SAMMSON: variants seen among roughly 807,000 people sequenced by gnomAD.
The protein encoded by SAMMSON is survival associated mitochondrial melanoma specific oncogenic non-coding RNA, also known as long intergenic non-protein coding RNA 1212.
At chr3:70,409,296 TAAC>T (rs1483350572) in intron 2 of SAMMSON, among the ~76,000 whole-genome samples, 2 of 152,198 alleles carry the variant, frequency 1.3e-5, no homozygotes, top group African/African-American at 4.8e-5. Flanking sequence ...AATAAATTGA[TAAC>T]ATTCCATCAG....
At chr3:70,049,149 C>T (rs957723729) in intron 3 of SAMMSON, among the ~76,000 whole-genome samples, 1 of 152,110 alleles carries the variant, frequency 6.6e-6, no homozygotes, top group Non-Finnish European at 1.5e-5. Context: ...GTAGTGGGTA[C>T]TGTTAGAGGT....
At chr3:70,333,094 A>T (rs1342930376) in intron 7 of SAMMSON, among the ~76,000 whole-genome samples, 2 of 151,308 alleles carry the variant, frequency 1.3e-5, no homozygotes, top group Non-Finnish European at 3.0e-5. Context: ...TCTTTTTAGA[A>T]TTTTTTTTTC....
intron 4 of SAMMSON, among the ~76,000 whole-genome samples, chr3:70,114,250 C>A (rs2067401183): frequency 1.3e-5 from 2 of 152,110 alleles, no homozygotes; most frequent in Non-Finnish European, 1.5e-5. Flanking sequence ...ATGTTTGAAA[C>A]CAAATCTTAC....
At chr3:70,137,214 T>G (rs1360981384) in intron 4 of SAMMSON, among the ~76,000 whole-genome samples, 1 of 152,234 alleles carries the variant, frequency 6.6e-6, no homozygotes, top group Admixed American at 6.5e-5. Flanking sequence ...AAAATCATGC[T>G]CTACATACTA....
chr3:70,195,295 C>T (rs145621174), intron 4 of SAMMSON, among the ~76,000 whole-genome samples: 1 of 152,160 alleles, frequency 6.6e-6, no homozygotes, highest in African/African-American at 2.4e-5. Flanking sequence ...AGCAGAAAGA[C>T]TTTTTCATGG....
intron 3 of SAMMSON, among the ~76,000 whole-genome samples, chr3:70,042,500 G>A (rs995127106): frequency 6.6e-6 from 1 of 152,000 alleles, no homozygotes; most frequent in African/African-American, 2.4e-5. Flanking sequence ...AAAAACCTTT[G>A]AGAGACTACT....
intron 4 of SAMMSON, chr3:70,206,690 C>G (rs1228850963): frequency 2.5e-6 from 1 of 397,706 alleles, no homozygotes. Context: ...TGGGGTTTTC[C>G]TTGGCTGGTC....
At chr3:70,400,616 C>G (rs1701132227) in intron 2 of SAMMSON, among the ~76,000 whole-genome samples, 2 of 152,142 alleles carry the variant, frequency 1.3e-5, no homozygotes, top group African/African-American at 4.8e-5. Context: ...ACTAAATGGA[C>G]TCAGACATGT....
At position 70,018,590 on chromosome 3, in the gene SAMMSON, G is replaced by T. The variant is rs536126715; in HGVS notation, n.417+4918G>T. Among the ~76,000 whole-genome samples, 6 of 152,140 alleles carry T rather than the reference G, an allele frequency of 3.9e-5. No homozygotes were observed. In the East Asian group the frequency reaches 1.2e-3, roughly 29 times the overall value. On this transcript the variant is annotated intron_variant and non_coding_transcript_variant, in intron 3 of 9. Coordinates refer to ENST00000642114, the Ensembl canonical transcript of SAMMSON. ...TTGTGTCTCTATTCCCTTCAGTTCT[G>T]CTCTGGTTTTAGTTATTTCTTGCCT... is the stretch of plus-strand genomic sequence containing the variant.
intron 4 of SAMMSON, chr3:70,126,109 GT>G: frequency 7.9e-7 from 1 of 1,259,524 alleles, no homozygotes; most frequent in Non-Finnish European, 1.1e-6. Flanking sequence ...TACTCTGTTT[GT>G]TAGGATTGTG....
intron 6 of SAMMSON, among the ~76,000 whole-genome samples, chr3:70,282,016 C>T (rs1702089216): frequency 6.6e-6 from 1 of 152,110 alleles, no homozygotes; most frequent in South Asian, 2.1e-4. Context: ...TACCAGAACA[C>T]CAGGGGTGCA....
intron 3 of SAMMSON, among the ~76,000 whole-genome samples, chr3:70,049,574 C>G (rs1033524689): frequency 6.6e-6 from 1 of 152,038 alleles, no homozygotes; most frequent in African/African-American, 2.4e-5. Context: ...AGGTAGAGAT[C>G]TTGGTACCAT....
At chr3:70,322,095 A>G (rs1702542829) in intron 7 of SAMMSON, among the ~76,000 whole-genome samples, 2 of 152,066 alleles carry the variant, frequency 1.3e-5, no homozygotes, top group South Asian at 4.1e-4. Flanking sequence ...TCCTTCAAAA[A>G]TTTGCTTTAC....
intron 4 of SAMMSON, among the ~76,000 whole-genome samples, chr3:70,072,894 A>G (rs1700803703): frequency 6.6e-6 from 1 of 152,086 alleles, no homozygotes; most frequent in African/African-American, 2.4e-5. Flanking sequence ...GAAGTAGGGC[A>G]ATAGTCCTAT....
At chr3:70,270,172 G>A (rs937115584) in intron 6 of SAMMSON, among the ~76,000 whole-genome samples, 6 of 152,096 alleles carry the variant, frequency 3.9e-5, no homozygotes, top group African/African-American at 1.4e-4. Context: ...ACGTAGACAA[G>A]TAGAATAGAC....
At chr3:70,115,896 C>G (rs369462934) in intron 4 of SAMMSON, among the ~76,000 whole-genome samples, 47 of 152,060 alleles carry the variant, frequency 3.1e-4, no homozygotes, top group African/African-American at 1.1e-3. Context: ...ACATCTCAAC[C>G]ATGTCAGTTT....
intron 1 of SAMMSON, among the ~76,000 whole-genome samples, chr3:70,007,100 A>G (rs961746382): frequency 3.9e-5 from 6 of 152,246 alleles, no homozygotes; most frequent in African/African-American, 1.2e-4. Flanking sequence ...TAGTGCCACA[A>G]TAAACATATG....
At chr3:70,158,604 G>C (rs2067601459) in intron 4 of SAMMSON, among the ~76,000 whole-genome samples, 1 of 151,544 alleles carries the variant, frequency 6.6e-6, no homozygotes, top group Non-Finnish European at 1.5e-5. Context: ...ATGGCTTTTA[G>C]TAAAAGCATG....
chr3:70,076,718 G>T (rs1049290857), intron 4 of SAMMSON, among the ~76,000 whole-genome samples: 1 of 152,098 alleles, frequency 6.6e-6, no homozygotes, highest in African/African-American at 2.4e-5. Flanking sequence ...TAACCAAGGT[G>T]TCACATGCTC....
Sources: allele counts gnomAD v4.1 joint callset (sites outside exome capture counted in the v4.1 genomes callset), GRCh38; gene constraint gnomAD v4.1.1; transcripts MANE v1.5; gene names NCBI Gene and HGNC (gene_info 2026-07-23, HGNC 2026-07-21).